The following DAPK1 variants were observed in gnomAD, a reference collection of about 807,000 sequenced individuals.
DAPK1 encodes death-associated protein kinase 1.
A neutral mutation model predicts 144.9 loss-of-function variants in DAPK1; 56 were observed. That is an observed-to-expected ratio of 0.39 (90% CI 0.31 to 0.48). The LOEUF (loss-of-function observed/expected upper bound fraction) is 0.48. DAPK1 is among the 20% of genes least tolerant of loss of function. The probability of loss-of-function intolerance (pLI) is 0.95; values close to 1 mark genes in which losing one functional copy is unlikely to be tolerated. For missense variants in DAPK1, 1,454 were observed against 1,875.4 expected, an observed-to-expected ratio of 0.78 and a Z score of 4.15; for synonymous variants, 690 against 749.0, an observed-to-expected ratio of 0.92 and a Z score of 1.29.
chr9:87,657,064 A>G (rs1371007057), intron 17 of DAPK1, among the ~76,000 whole-genome samples: 1 of 152,170 alleles, frequency 6.6e-6, no homozygotes, highest in East Asian at 1.9e-4. Context: ...AAAATTCCCA[A>G]ACTTTCTCAG....
At chr9:87,633,582 C>A (rs1829787729) in intron 3 of DAPK1, among the ~76,000 whole-genome samples, 1 of 152,128 alleles carries the variant, frequency 6.6e-6, no homozygotes, top group African/African-American at 2.4e-5. Context: ...CTCCTTCTCC[C>A]AGTCTTGATC....
intron 2 of DAPK1, among the ~76,000 whole-genome samples, chr9:87,601,573 G>A (rs572334387): frequency 6.6e-6 from 1 of 152,110 alleles, no homozygotes; most frequent in Non-Finnish European, 1.5e-5. Flanking sequence ...AGGTACTTGG[G>A]GGGTAATACT....
intron 22 of DAPK1, among the ~76,000 whole-genome samples, chr9:87,698,140 T>A (rs1023701791): frequency 1.3e-5 from 2 of 152,190 alleles, no homozygotes; most frequent in African/African-American, 4.8e-5. Flanking sequence ...GAAAAGCATA[T>A]AATACAAGGA....
intron 3 of DAPK1, among the ~76,000 whole-genome samples, chr9:87,618,958 G>A (rs10780864): frequency 1.3e-5 from 2 of 151,936 alleles, no homozygotes; most frequent in Admixed American, 6.6e-5. Flanking sequence ...CCTCCTGCCC[G>A]CTGAATGAGG....
intron 18 of DAPK1, among the ~76,000 whole-genome samples, chr9:87,664,987 T>C (rs72747878): frequency 0.045 from 6,800 of 152,274 alleles, 189 homozygotes; most frequent in East Asian, 0.11. Flanking sequence ...TGGGCCTGAG[T>C]GGCTCTTCCC....
At chr9:87,581,805 C>G (rs1338094917) in intron 2 of DAPK1, among the ~76,000 whole-genome samples, 1 of 152,168 alleles carries the variant, frequency 6.6e-6, no homozygotes, top group African/African-American at 2.4e-5. Flanking sequence ...GGGAACAAAC[C>G]AGCAATTCAT....
intron 2 of DAPK1, among the ~76,000 whole-genome samples, chr9:87,584,678 G>GTGTA (rs143913319): frequency 1.6e-4 from 24 of 151,738 alleles, no homozygotes; most frequent in Non-Finnish European, 2.8e-4. Context: ...GTGTGTGTGT[G>GTGTA]TGTGTGTGTG....
At chr9:87,561,387 G>A (rs143574117) in intron 2 of DAPK1, among the ~76,000 whole-genome samples, 8,917 of 152,014 alleles carry the variant, frequency 0.059, 281 homozygotes, top group Middle Eastern at 0.12. Flanking sequence ...TTAGCCGGGC[G>A]TTGTGGCGGG....
chr9:87,643,599 G>A (rs1432655957), intron 11 of DAPK1, 131 bp downstream of exon 11: 11 of 636,346 alleles, frequency 1.7e-5, no homozygotes, highest in East Asian at 2.7e-5. Context: ...TGATCCCCTC[G>A]GAGGGGTTTG....
chr9:87,702,642 T>C (rs1234189126), intron 24 of DAPK1, among the ~76,000 whole-genome samples: 2 of 152,146 alleles, frequency 1.3e-5, no homozygotes, highest in Admixed American at 6.5e-5. Context: ...AGACTCAAAA[T>C]CTATTTAACA....
At chr9:87,678,737 G>T (rs542563714) in intron 19 of DAPK1, among the ~76,000 whole-genome samples, 6 of 152,292 alleles carry the variant, frequency 3.9e-5, no homozygotes, top group Admixed American at 2.0e-4. Context: ...GGACCCAGGA[G>T]AATTCTTCGC....
chr9:87,621,889 C>A (rs187375638), intron 3 of DAPK1, among the ~76,000 whole-genome samples: 120 of 152,142 alleles, frequency 7.9e-4, no homozygotes, highest in African/African-American at 2.9e-3. Flanking sequence ...CAGTAATCTG[C>A]AGTTCCCCCA....
chr9:87,692,864 T>C (rs1825110331), intron 21 of DAPK1, among the ~76,000 whole-genome samples: 1 of 150,878 alleles, frequency 6.6e-6, no homozygotes, highest in Admixed American at 6.7e-5. Context: ...GTTCTTTGAA[T>C]ATAGCATTTC....
At chr9:87,641,923 T>TGACA (rs759051051) in intron 9 of DAPK1, 46 bp from the exon 10 acceptor site, 2 of 1,506,516 alleles carry the variant, frequency 1.3e-6, no homozygotes, top group South Asian at 2.3e-5. Flanking sequence ...TAACACATTT[T>TGACA]CATAATTTGA....
At position 87,707,787 on chromosome 9, in the gene DAPK1, G is replaced by A. The variant is rs1450617637; in HGVS notation, c.*423G>A. On this transcript the variant is annotated 3_prime_UTR_variant, in exon 26 of 26. Coordinates refer to ENST00000408954, the MANE Select transcript of DAPK1 (RefSeq NM_004938.4). The surrounding 1 kb of genome is among the most constrained non-coding windows in gnomAD (Gnocchi z 4.0). ...TATCCAAAATGTGTATTTCTTATACGCTTTTCTTTGTTATACCATTTCCTC... is the reference window on the plus strand; with the variant it reads ...TATCCAAAATGTGTATTTCTTATACACTTTTCTTTGTTATACCATTTCCTC... 3.1e-5 allele frequency: 14 copies of A among 454,746 alleles called. No individual in the cohort carries two copies. Among genetic ancestry groups the A allele is most frequent in the African/African-American group, 1.0e-4 (5 of 49,892 alleles). 28.2% of individuals were successfully genotyped at this position (454,746 alleles called of 1,614,324 possible).
intron 2 of DAPK1, among the ~76,000 whole-genome samples, chr9:87,597,596 A>G (rs1273146010): frequency 6.6e-6 from 1 of 152,122 alleles, no homozygotes; most frequent in African/African-American, 2.4e-5. Context: ...TAGAGAAAAC[A>G]GTGTGCGCTC....
At chr9:87,511,964 G>A (rs1303083437) in intron 2 of DAPK1, among the ~76,000 whole-genome samples, 4 of 152,048 alleles carry the variant, frequency 2.6e-5, no homozygotes, top group African/African-American at 9.7e-5. Context: ...CACCCACCTC[G>A]GCCTCCCAAA....
intron 2 of DAPK1, among the ~76,000 whole-genome samples, chr9:87,574,084 A>G (rs1827460038): frequency 6.6e-6 from 1 of 152,184 alleles, no homozygotes; most frequent in African/African-American, 2.4e-5. Context: ...TGCATTAGCC[A>G]TCACATCTTC....
Position 87,650,048 on chromosome 9 carries a change from C to G in DAPK1, c.1556C>G (p.Ser519Cys). 6.2e-7 allele frequency: 1 copy of G among 1,614,190 alleles called. No individual in the cohort carries two copies. The highest frequency in any genetic ancestry group is 1.3e-5 in the African/African-American group (1 of 75,068). ...GGAGAGACGCCCCTCCTGACAGCCT[C>G]TGCCAGGGGCTACCACGACATCGTG... The part of the protein sequence containing the change: ...REGETPLLTA[S>C]ARGYHDIVEC... The change falls in exon 16 of 26, where the codon TCT (serine) becomes TGT (cysteine). Residue 519 changes from serine (S) to cysteine (C), a missense_variant. Ser to Cys is a moderately radical substitution (Grantham distance 112). This residue lies in a region of DAPK1 where 1,025 missense variants were observed against 1,237.9 expected (regional missense o/e 0.83). Transcript: ENST00000408954.
Sources: allele counts gnomAD v4.1 joint callset (sites outside exome capture counted in the v4.1 genomes callset), GRCh38; gene constraint gnomAD v4.1.1; regional missense constraint gnomAD v4.1.1; non-coding constraint Gnocchi (gnomAD v3.1); transcripts MANE v1.5; gene names NCBI Gene and HGNC (gene_info 2026-07-23, HGNC 2026-07-21).